Variants in PDLIM5 observed in about 807,000 individuals in gnomAD.
PDLIM5 encodes PDZ and LIM domain 5.
A neutral mutation model predicts 64.2 loss-of-function variants in PDLIM5; 34 were observed. The ratio of observed to expected loss-of-function variants is 0.53; its 90% CI spans 0.40 to 0.71. PDLIM5 has a LOEUF of 0.71. PDLIM5 is among the 30% of genes least tolerant of loss of function. The pLI is 0.00. For synonymous variants in PDLIM5, 253 were observed against 269.1 expected, an observed-to-expected ratio of 0.94 and a Z score of 0.59; for missense variants, 683 against 733.6, an observed-to-expected ratio of 0.93 and a Z score of 0.80.
At chr4:94,645,551 T>C (rs1741345502) in intron 9 of PDLIM5, among the ~76,000 whole-genome samples, 3 of 152,204 alleles carry the variant, frequency 2.0e-5, no homozygotes, top group Admixed American at 6.5e-5. Flanking sequence ...AATACATTCA[T>C]TCATTCATTA....
At chr4:94,577,270 C>A (rs951362419) in intron 5 of PDLIM5, 5 of 456,598 alleles carry the variant, frequency 1.1e-5, no homozygotes, top group Non-Finnish European at 2.2e-5. Context: ...CTGAGATAAT[C>A]CCTTCTGAAT....
rs973616797 is a variant in PDLIM5 at position 94,602,424 on chromosome 4, T to C, written c.921-15580T>C. On this transcript the variant is annotated intron_variant, in intron 7 of 12. Coordinates refer to ENST00000317968, the MANE Select transcript of PDLIM5 (RefSeq NM_006457.5). Reference sequence around the variant, plus strand: ...TGACCCAAATTAACATTTTGAAATTTTATTACTGATAGAGAACTTTACCAT... The same window carrying C: ...TGACCCAAATTAACATTTTGAAATTCTATTACTGATAGAGAACTTTACCAT... 2.6e-5 allele frequency among the ~76,000 whole-genome samples: 4 copies of C among 152,166 alleles called. No homozygotes were observed. In the South Asian group the frequency reaches 8.3e-4, roughly 32 times the overall value.
At chr4:94,613,325 T>C (rs1287799214) in intron 7 of PDLIM5, among the ~76,000 whole-genome samples, 1 of 152,224 alleles carries the variant, frequency 6.6e-6, no homozygotes, top group East Asian at 1.9e-4. Flanking sequence ...CTGAAAAGTA[T>C]TCTTCAAGCA....
intron 3 of PDLIM5, among the ~76,000 whole-genome samples, chr4:94,559,556 G>A (rs1733659552): frequency 6.6e-6 from 1 of 152,228 alleles, no homozygotes; most frequent in Non-Finnish European, 1.5e-5. Flanking sequence ...AGATCAGTAA[G>A]ATGCTAAATT....
intron 2 of PDLIM5, among the ~76,000 whole-genome samples, chr4:94,511,230 G>A (rs573855088): frequency 1.3e-5 from 2 of 152,328 alleles, no homozygotes; most frequent in Non-Finnish European, 1.5e-5. Flanking sequence ...TACATAGTTT[G>A]TGGAATTATA....
chr4:94,457,934 T>C (rs931430951), intron 2 of PDLIM5, among the ~76,000 whole-genome samples: 5 of 152,206 alleles, frequency 3.3e-5, no homozygotes, highest in African/African-American at 1.2e-4. Flanking sequence ...TGTGACCTTT[T>C]TGGGCCTTGT....
chr4:94,666,986 A>G lies in PDLIM5; in HGVS notation c.*2919A>G, dbSNP rs1183908451. 1 of 152,198 alleles carries G rather than the reference A, an allele frequency of 6.6e-6. No individual in the cohort carries two copies. The highest frequency in any genetic ancestry group is 1.5e-5 in the Non-Finnish European group (1 of 68,038). The allele number at this position is 152,198 out of a possible 1,614,324, so 9.4% of individuals were successfully genotyped here. A position where few individuals can be genotyped will look rare whatever the true frequency, so the allele number is the denominator to read the frequency against. Reference sequence around the variant, plus strand: ...GTAATCCTTTAATAACTGGCAGAGCACTTTATTCTTCTGGTGAGCTCCCTG... The same window carrying G: ...GTAATCCTTTAATAACTGGCAGAGCGCTTTATTCTTCTGGTGAGCTCCCTG... On this transcript the variant is annotated 3_prime_UTR_variant, in exon 13 of 13. Coordinates refer to ENST00000317968, the MANE Select transcript of PDLIM5 (RefSeq NM_006457.5).
intron 8 of PDLIM5, among the ~76,000 whole-genome samples, chr4:94,622,930 A>G (rs2110410242): frequency 1.3e-5 from 2 of 152,072 alleles, no homozygotes; most frequent in Middle Eastern, 6.8e-3. Context: ...CGGCCTCCCA[A>G]AGTGCTGGGA....
chr4:94,639,137 A>G (rs979598691), intron 8 of PDLIM5, among the ~76,000 whole-genome samples: 2 of 152,192 alleles, frequency 1.3e-5, no homozygotes, highest in African/African-American at 4.8e-5. Context: ...AGAAAATGGC[A>G]TTACCGATGG....
intron 3 of PDLIM5, among the ~76,000 whole-genome samples, chr4:94,563,820 T>C (rs1734042501): frequency 2.0e-5 from 3 of 152,206 alleles, no homozygotes; most frequent in African/African-American, 7.2e-5. Flanking sequence ...GGGCAGTTTT[T>C]ATTCCTTCTC....
chr4:94,649,373 T>G (rs1741668346), intron 9 of PDLIM5, among the ~76,000 whole-genome samples: 1 of 152,148 alleles, frequency 6.6e-6, no homozygotes, highest in Non-Finnish European at 1.5e-5. Context: ...CTACCCACAC[T>G]CATGGAGAGG....
intron 2 of PDLIM5, among the ~76,000 whole-genome samples, chr4:94,461,435 A>G (rs529891125): frequency 4.6e-5 from 7 of 152,268 alleles, no homozygotes; most frequent in African/African-American, 1.4e-4. Flanking sequence ...TTGGGCCACT[A>G]TATAGTCTTG....
chr4:94,631,127 T>A (rs183545003), intron 8 of PDLIM5, among the ~76,000 whole-genome samples: 36 of 150,526 alleles, frequency 2.4e-4, no homozygotes, highest in Admixed American at 8.0e-4. Context: ...GGTCTCAAAC[T>A]CCTAGCCTCA....
intron 2 of PDLIM5, among the ~76,000 whole-genome samples, chr4:94,496,502 A>T (rs2126127025): frequency 6.6e-6 from 1 of 152,190 alleles, no homozygotes; most frequent in East Asian, 1.9e-4. Flanking sequence ...TTTATTTATT[A>T]ATTAAGAGAC....
intron 2 of PDLIM5, among the ~76,000 whole-genome samples, chr4:94,478,072 A>G (rs1725486858): frequency 6.6e-6 from 1 of 152,058 alleles, no homozygotes; most frequent in African/African-American, 2.4e-5. Context: ...CCTGACCAAC[A>G]TGGTGAAACC....
intron 3 of PDLIM5, among the ~76,000 whole-genome samples, chr4:94,530,247 GA>G (rs1423549835): frequency 6.6e-6 from 1 of 152,042 alleles, no homozygotes; most frequent in Non-Finnish European, 1.5e-5. Context: ...ACTGTAAATG[GA>G]TAAGTTCCCT....
intron 1 of PDLIM5, among the ~76,000 whole-genome samples, chr4:94,454,004 C>T (rs76057965): frequency 1.3e-5 from 2 of 152,078 alleles, no homozygotes; most frequent in African/African-American, 4.8e-5. Flanking sequence ...GCCCCATTTT[C>T]CCTTTATGAG....
At position 94,664,081 on chromosome 4, in the gene PDLIM5, A is replaced by G. The variant is rs1560775326; in HGVS notation, c.*14A>G. ...GTGAATTTTTGAAAGTCAACAGTTCAGGAGAAGAGAAGGAATTTGAAGAGA... is the reference window on the plus strand; with the variant it reads ...GTGAATTTTTGAAAGTCAACAGTTCGGGAGAAGAGAAGGAATTTGAAGAGA... On this transcript the variant is annotated 3_prime_UTR_variant, in exon 13 of 13. Coordinates refer to ENST00000317968, the MANE Select transcript of PDLIM5 (RefSeq NM_006457.5). 2 of 1,549,178 alleles carry G rather than the reference A, an allele frequency of 1.3e-6. No individual in the cohort carries two copies. Among genetic ancestry groups the G allele is most frequent in the Admixed American group, 3.7e-5 (2 of 54,378 alleles).
chr4:94,488,609 A>G (rs887363822), intron 2 of PDLIM5, among the ~76,000 whole-genome samples: 1 of 152,208 alleles, frequency 6.6e-6, no homozygotes, highest in Non-Finnish European at 1.5e-5. Flanking sequence ...TTTTGATACA[A>G]AAATTTCACT....
Sources: gnomAD v4.1 joint callset for allele counts (sites outside exome capture counted in the v4.1 genomes callset) on GRCh38, gnomAD v4.1.1 for gene constraint, MANE v1.5 for transcripts, NCBI Gene and HGNC (gene_info 2026-07-23, HGNC 2026-07-21) for gene names.